KDM5A: variants seen among roughly 807,000 people sequenced by gnomAD.
The protein encoded by KDM5A is lysine demethylase 5A.
A neutral mutation model predicts 193.5 loss-of-function variants in KDM5A; 42 were observed. The ratio of observed to expected loss-of-function variants is 0.22; its 90% CI spans 0.17 to 0.28. The LOEUF (loss-of-function observed/expected upper bound fraction) is 0.28, where lower values mean the gene tolerates loss of function less well. Ranked by LOEUF, KDM5A falls within the 10% of genes least tolerant of loss-of-function variation. The pLI is 1.00. For missense variants in KDM5A, 1,692 were observed against 2,055.1 expected (o/e 0.82, Z 3.42); for synonymous variants, 796 against 718.1 (o/e 1.11, Z -1.73).
intron 13 of KDM5A, among the ~76,000 whole-genome samples, chr12:330,085 G>GTGTGTGTGTGTGTGTGTGTGTA (rs377271333): frequency 3.7e-4 from 51 of 139,322 alleles, no homozygotes; most frequent in African/African-American, 1.1e-3. Context: ...GTGTGTGTGT[G>GTGTGTGTGTGTGTGTGTGTGTA]TATATATATA....
chr12:288,252 G>A (rs1591894358), intron 27 of KDM5A, among the ~76,000 whole-genome samples: 2 of 152,252 alleles, frequency 1.3e-5, no homozygotes, highest in South Asian at 4.1e-4. Context: ...GTAGTATCCT[G>A]AAAACTCAAG....
chr12:297,834 C>A (rs1245522755), intron 24 of KDM5A, among the ~76,000 whole-genome samples: 1 of 152,212 alleles, frequency 6.6e-6, no homozygotes, highest in Non-Finnish European at 1.5e-5. Context: ...CCTTCTTTCC[C>A]AGTCAGTCTG....
chr12:334,162 T>C, intron 11 of KDM5A, 79 bp downstream of exon 11: 1 of 1,320,552 alleles, frequency 7.6e-7, no homozygotes, highest in Non-Finnish European at 1.1e-6. Flanking sequence ...CTATAAACCT[T>C]AAAGATCAAA....
chr12:375,074 G>A (rs1248171509), intron 3 of KDM5A, among the ~76,000 whole-genome samples: 1 of 152,070 alleles, frequency 6.6e-6, no homozygotes, highest in East Asian at 1.9e-4. Context: ...TCTTCTCCAG[G>A]AGTATCTTTG....
At chr12:373,070 C>CT (rs1944452353) in intron 3 of KDM5A, among the ~76,000 whole-genome samples, 1 of 152,136 alleles carries the variant, frequency 6.6e-6, no homozygotes, top group African/African-American at 2.4e-5. Flanking sequence ...TGTTGGGTCT[C>CT]TGCCAGGCTT....
rs61750264 is a variant in KDM5A, at chr12:355,249, T to C, written c.779A>G (p.Asp260Gly). ...AACTTTTCGTCTTCGGGTGACCTCA[T>C]CTTGAAATAAAAAGTTACACAATAA... Reference protein sequence around the residue: ...GLAMGTKDKEDEVTRRRKVTN... With the variant: ...GLAMGTKDKEGEVTRRRKVTN... The change falls in exon 7 of 28, where the codon GAT becomes GGT. Residue 260 changes from aspartate (D) to glycine (G), a missense_variant and splice_region_variant. Asp to Gly is a moderately conservative substitution (Grantham distance 94, BLOSUM62 -1). Around this residue, in one of 11 missense-constraint regions of KDM5A, gnomAD observed 134 missense variants for 124.2 expected, o/e 1.08. Transcript: ENST00000399788. The C allele has an allele frequency of 4.8e-5, 77 of 1,588,260 alleles. No homozygotes were observed. The highest frequency in any genetic ancestry group is 6.2e-5 in the Non-Finnish European group (72 of 1,156,510).
chr12:350,107 G>A (rs769781498), intron 10 of KDM5A, among the ~76,000 whole-genome samples: 12 of 150,238 alleles, frequency 8.0e-5, no homozygotes, highest in Non-Finnish European at 1.3e-4. Flanking sequence ...TAGCAGGGGC[G>A]ACAGGAACAA....
chr12:307,643 C>G lies in KDM5A; in HGVS notation c.3741G>C (p.Gln1247His). 1 of 1,614,230 alleles carries G rather than the reference C, an allele frequency of 6.2e-7. No homozygotes were observed. Among genetic ancestry groups the G allele is most frequent in the Non-Finnish European group, 8.5e-7 (1 of 1,180,038 alleles). ...AACTCATAGCACGTTCTGTCAAACA[C>G]TGCAGGGCCTCTCCTTCAGGCAACC... ...PVRLPEGEAL[Q>H]CLTERAMSWQ... Residue 1247 changes from glutamine (Q) to histidine (H), a missense_variant, in exon 23 of 28, where the codon CAG becomes CAC. Coordinates refer to ENST00000399788, the MANE Select transcript of KDM5A (RefSeq NM_001042603.3). This position sits in a 1 kb window ranked among gnomAD's most constrained non-coding sequence, Gnocchi z 4.3.
intron 24 of KDM5A, among the ~76,000 whole-genome samples, chr12:305,238 A>G (rs1943490076): frequency 6.6e-6 from 1 of 152,184 alleles, no homozygotes; most frequent in Admixed American, 6.5e-5. Context: ...CAAAACTTTC[A>G]AAACTGAAAA....
chr12:336,713 T>C (rs979431511), intron 10 of KDM5A, among the ~76,000 whole-genome samples: 3 of 151,774 alleles, frequency 2.0e-5, no homozygotes, highest in Middle Eastern at 6.8e-3. Context: ...TGGTGGTGCA[T>C]GCCTGTGGCC....
chr12:326,583 C>A (rs1247212974), intron 14 of KDM5A, among the ~76,000 whole-genome samples: 7 of 152,152 alleles, frequency 4.6e-5, no homozygotes, highest in Admixed American at 2.6e-4. Context: ...GGATTTTGGC[C>A]GGGCACGGCG....
At chr12:324,817 G>A (rs1943762622) in intron 14 of KDM5A, among the ~76,000 whole-genome samples, 2 of 151,684 alleles carry the variant, frequency 1.3e-5, no homozygotes, top group African/African-American at 2.4e-5. Context: ...AGGTTGCAAT[G>A]AGCTGAGATC....
intron 17 of KDM5A, chr12:322,173 A>C: frequency 1.9e-6 from 1 of 522,790 alleles, no homozygotes; most frequent in South Asian, 2.3e-5. Flanking sequence ...TAAAGAGAGC[A>C]TGAAGTCCTA....
chr12:341,326 G>A (rs542937631), intron 10 of KDM5A, among the ~76,000 whole-genome samples: 64 of 152,150 alleles, frequency 4.2e-4, no homozygotes, highest in Admixed American at 2.2e-3. Flanking sequence ...TTCCAACATT[G>A]AACTGTTCCT....
Position 300,035 on chromosome 12 carries a change from A to G in KDM5A, c.4075-2835T>C, listed in dbSNP as rs543816564. Among the ~76,000 whole-genome samples, 8 of 151,874 alleles carry G rather than the reference A, an allele frequency of 5.3e-5. No individual in the cohort carries two copies. The East Asian group carries it at 1.6e-3, about 30-fold the overall frequency. ...AATACAGGAGCACCCAGATTCATAA[A>G]GCAAGTTCTTAGAGACCTACAAAGA... On this transcript the variant is annotated intron_variant, in intron 24 of 27. Transcript: ENST00000399788.
rs1157948597 is a variant in KDM5A, at chr12:282,107, A to C, written c.*3349T>G. 9.9e-6 allele frequency: 3 copies of C among 304,464 alleles called. No homozygotes were observed. The highest frequency in any genetic ancestry group is 5.7e-5 in the East Asian group (1 of 17,642). The allele number at this position is 304,464 out of a possible 1,614,324, so 18.9% of individuals were successfully genotyped here. ...TAACCTTACAGCTCAGCCTGCACAG[A>C]AGCACAGAAGCAAAGCCCAGGCAGA... is the stretch of plus-strand genomic sequence containing the variant. On this transcript the variant is annotated 3_prime_UTR_variant, in exon 28 of 28. Coordinates refer to ENST00000399788, the MANE Select transcript of KDM5A (RefSeq NM_001042603.3).
chr12:302,266 C>T (rs1943451916), intron 24 of KDM5A, among the ~76,000 whole-genome samples: 1 of 152,214 alleles, frequency 6.6e-6, no homozygotes, highest in African/African-American at 2.4e-5. Context: ...TACCTGACTT[C>T]AAACTATACT....
intron 11 of KDM5A, 131 bp downstream of exon 11, chr12:334,110 G>C: frequency 1.2e-6 from 1 of 830,618 alleles, no homozygotes; most frequent in Non-Finnish European, 1.9e-6. Flanking sequence ...CAAAGAAATA[G>C]GCCAAGGCTA....
rs1204638994 is a variant in KDM5A at position 313,871 on chromosome 12, C to T, written c.2898-677G>A. On this transcript the variant is annotated intron_variant, in intron 19 of 27. Transcript: ENST00000399788. ...TTATATTAGTATGATTCTGTCCAAACGAAAAGTTAAAGAAGTTAAAGAAAC... is the reference window on the plus strand; with the variant it reads ...TTATATTAGTATGATTCTGTCCAAATGAAAAGTTAAAGAAGTTAAAGAAAC... Among the ~76,000 whole-genome samples the T allele has an allele frequency of 5.9e-5, 9 of 151,898 alleles. No individual in the cohort carries two copies. The East Asian group carries it at 1.2e-3, about 20-fold the overall frequency.
Sources: gnomAD v4.1 joint callset for allele counts (sites outside exome capture counted in the v4.1 genomes callset) on GRCh38, gnomAD v4.1.1 for gene constraint, gnomAD v4.1.1 regional missense constraint, Gnocchi (gnomAD v3.1) non-coding constraint, MANE v1.5 for transcripts, NCBI Gene and HGNC (gene_info 2026-07-23, HGNC 2026-07-21) for gene names.